SLC24A2: variants seen among roughly 807,000 people sequenced by gnomAD.
SLC24A2 encodes the protein solute carrier family 24 member 2, also known as sodium/potassium/calcium exchanger 2.
A neutral mutation model predicts 62.0 loss-of-function variants in SLC24A2; 36 were observed. That is an observed-to-expected ratio of 0.58 (90% CI 0.44 to 0.77). The LOEUF (loss-of-function observed/expected upper bound fraction) is 0.77. Ranked by LOEUF, SLC24A2 falls within the 30% of genes least tolerant of loss-of-function variation. The probability of loss-of-function intolerance (pLI) is 0.00; values close to 1 mark genes in which losing one functional copy is unlikely to be tolerated. For missense variants in SLC24A2, 846 were observed against 817.9 expected (o/e 1.03, Z -0.42); for synonymous variants, 358 against 294.0 (o/e 1.22, Z -2.23).
At chr9:20,078,784 C>T in the SLC24A2 span, among the ~76,000 whole-genome samples, 6 of 151,790 alleles carry the variant, frequency 4.0e-5, no homozygotes, top group Admixed American at 2.6e-4. Context: ...CTCCCTATCC[C>T]AATCCTCATC....
At chr9:19,762,712 C>T (rs146298404) in intron 2 of SLC24A2, among the ~76,000 whole-genome samples, 160 of 150,924 alleles carry the variant, frequency 1.1e-3, no homozygotes, top group African/African-American at 3.9e-3. Context: ...GTTACTGTGG[C>T]CTTGTAGTAT....
chr9:19,534,552 C>T (rs543935688), intron 8 of SLC24A2, among the ~76,000 whole-genome samples: 45 of 152,070 alleles, frequency 3.0e-4, no homozygotes, highest in Middle Eastern at 3.4e-3. Context: ...GATCCCCTCC[C>T]CGGGTCCATG....
chr9:19,821,663 T>C, the SLC24A2 span, among the ~76,000 whole-genome samples: 10 of 152,140 alleles, frequency 6.6e-5, no homozygotes, highest in Non-Finnish European at 1.5e-5. Context: ...TCAGAATTTT[T>C]AAATGCCATC....
chr9:19,788,168 G>T (rs3808653), intron 1 of SLC24A2, among the ~76,000 whole-genome samples: 40 of 152,282 alleles, frequency 2.6e-4, no homozygotes, highest in African/African-American at 9.1e-4. Context: ...TCAGAGCAAA[G>T]CAAGAGCACA....
the SLC24A2 span, among the ~76,000 whole-genome samples, chr9:20,211,381 A>G: frequency 6.6e-6 from 1 of 152,128 alleles, no homozygotes; most frequent in Non-Finnish European, 1.5e-5. Flanking sequence ...GTATGGTGGC[A>G]CATGCCTGTA....
At chr9:19,890,221 C>T in the SLC24A2 span, among the ~76,000 whole-genome samples, 60,969 of 150,496 alleles carry the variant, frequency 0.41, 12,786 homozygotes, top group East Asian at 0.82. Context: ...AGGGAAGCCA[C>T]AGTCTTCTCA....
chr9:20,224,102 G>C, the SLC24A2 span, among the ~76,000 whole-genome samples: 4 of 152,050 alleles, frequency 2.6e-5, no homozygotes, highest in South Asian at 8.3e-4. Flanking sequence ...CCTCCAACCA[G>C]GTCCCTCCCT....
chr9:20,009,639 T>C, the SLC24A2 span, among the ~76,000 whole-genome samples: 28 of 152,182 alleles, frequency 1.8e-4, no homozygotes, highest in Admixed American at 7.9e-4. Flanking sequence ...AGGTCAGTAA[T>C]GACCAGAGAA....
intron 7 of SLC24A2, among the ~76,000 whole-genome samples, chr9:19,563,895 C>G (rs1326869204): frequency 1.4e-5 from 2 of 141,468 alleles, no homozygotes; most frequent in East Asian, 4.5e-4. Flanking sequence ...CCTTTGTAGC[C>G]TAGGCTGGAG....
the SLC24A2 span, among the ~76,000 whole-genome samples, chr9:20,268,518 C>A: frequency 6.6e-6 from 1 of 152,108 alleles, no homozygotes; most frequent in Non-Finnish European, 1.5e-5. Flanking sequence ...GAAGAGAGAT[C>A]TGAGCTAGCA....
At chr9:19,556,656 C>G (rs1835100062) in intron 7 of SLC24A2, among the ~76,000 whole-genome samples, 1 of 152,142 alleles carries the variant, frequency 6.6e-6, no homozygotes, top group Non-Finnish European at 1.5e-5. Context: ...CACTGTAACA[C>G]TTAGGAGTGC....
At chr9:19,797,704 A>T in the SLC24A2 span, among the ~76,000 whole-genome samples, 1 of 152,158 alleles carries the variant, frequency 6.6e-6, no homozygotes, top group Non-Finnish European at 1.5e-5. Context: ...GGACTTTATT[A>T]TTCACTTTAT....
At chr9:19,980,124 T>A in the SLC24A2 span, among the ~76,000 whole-genome samples, 1 of 152,202 alleles carries the variant, frequency 6.6e-6, no homozygotes, top group Admixed American at 6.5e-5. Context: ...GAGAGCTAAG[T>A]TGGGCTTTGA....
chr9:19,982,773 T>G, the SLC24A2 span, among the ~76,000 whole-genome samples: 1 of 152,160 alleles, frequency 6.6e-6, no homozygotes, highest in African/African-American at 2.4e-5. Flanking sequence ...GTGAAAATCC[T>G]GAACAAAATA....
the SLC24A2 span, among the ~76,000 whole-genome samples, chr9:20,106,706 A>C: frequency 2.0e-5 from 3 of 152,192 alleles, no homozygotes; most frequent in African/African-American, 7.2e-5. Flanking sequence ...TCTCAAAATA[A>C]TAAGAGCTAT....
the SLC24A2 span, among the ~76,000 whole-genome samples, chr9:20,158,399 T>C: frequency 1.3e-5 from 2 of 151,574 alleles, no homozygotes; most frequent in Non-Finnish European, 3.0e-5. Context: ...CCCCCATGAT[T>C]CAGATTAGTG....
At chr9:20,034,111 A>G in the SLC24A2 span, among the ~76,000 whole-genome samples, 1 of 152,346 alleles carries the variant, frequency 6.6e-6, no homozygotes, top group South Asian at 2.1e-4. Flanking sequence ...AGATCTAAAA[A>G]GGATTGAAAA....
the SLC24A2 span, among the ~76,000 whole-genome samples, chr9:19,818,077 T>G: frequency 0.04 from 6,109 of 152,194 alleles, 426 homozygotes; most frequent in African/African-American, 0.14. Flanking sequence ...GTACCTTTAC[T>G]GAGGAGTTAA....
intron 3 of SLC24A2, among the ~76,000 whole-genome samples, 164 bp downstream of exon 3, chr9:19,622,097 A>C (rs544070293): frequency 6.6e-6 from 1 of 152,330 alleles, no homozygotes; most frequent in African/African-American, 2.4e-5. Flanking sequence ...TTCAGTCATC[A>C]CTAATTGTAG....
Sources: allele counts gnomAD v4.1 joint callset (sites outside exome capture counted in the v4.1 genomes callset), GRCh38; gene constraint gnomAD v4.1.1; transcripts MANE v1.5; gene names NCBI Gene and HGNC (gene_info 2026-07-23, HGNC 2026-07-21).